Variants in PDE3A observed in about 807,000 individuals in gnomAD.
PDE3A encodes phosphodiesterase 3A.
A neutral mutation model predicts 98.3 loss-of-function variants in PDE3A; 43 were observed. The ratio of observed to expected loss-of-function variants is 0.44; its 90% CI spans 0.34 to 0.56. The LOEUF is 0.56. PDE3A is among the 20% of genes least tolerant of loss of function. The probability of loss-of-function intolerance (pLI) is 0.01; values close to 1 mark genes in which losing one functional copy is unlikely to be tolerated. For missense variants in PDE3A, 1,427 were observed against 1,440.7 expected (o/e 0.99, Z 0.15); for synonymous variants, 663 against 567.9 (o/e 1.17, Z -2.38).
intron 6 of PDE3A, among the ~76,000 whole-genome samples, chr12:20,631,465 G>T (rs1219014167): frequency 6.6e-6 from 1 of 152,100 alleles, no homozygotes; most frequent in African/African-American, 2.4e-5. Flanking sequence ...CCCAAGAATT[G>T]CCCATGGATC....
intron 1 of PDE3A, among the ~76,000 whole-genome samples, chr12:20,386,070 A>AAATATATATAAATATATAAATATATAT (rs1565532446): frequency 5.4e-5 from 2 of 37,146 alleles, no homozygotes; most frequent in African/African-American, 2.1e-4. Context: ...AAATATATAT[A>AAATATATATAAATATATAAATATATAT]AAATATATAT....
intron 1 of PDE3A, among the ~76,000 whole-genome samples, chr12:20,397,128 A>G (rs368115209): frequency 5.3e-5 from 8 of 152,144 alleles, no homozygotes; most frequent in East Asian, 3.9e-4. Context: ...AAGCCAAGCT[A>G]AATTCTAAAA....
chr12:20,619,988 T>C (rs1249023060), intron 4 of PDE3A, among the ~76,000 whole-genome samples: 2 of 152,090 alleles, frequency 1.3e-5, no homozygotes, highest in Non-Finnish European at 2.9e-5. Flanking sequence ...TGCTTAGCAT[T>C]CTTTCCTTTG....
At chr12:20,570,500 A>G (rs1333857081) in intron 2 of PDE3A, among the ~76,000 whole-genome samples, 2 of 150,696 alleles carry the variant, frequency 1.3e-5, no homozygotes, top group African/African-American at 4.9e-5. Context: ...GGACAAGTGA[A>G]TAGAACACAG....
chr12:20,512,589 G>C (rs970162993), intron 1 of PDE3A, among the ~76,000 whole-genome samples: 4 of 152,034 alleles, frequency 2.6e-5, no homozygotes, highest in Non-Finnish European at 5.9e-5. Flanking sequence ...CTCCCAGAAA[G>C]GTTCTATGTG....
At chr12:20,542,794 A>G (rs1188657800) in intron 1 of PDE3A, among the ~76,000 whole-genome samples, 1 of 151,966 alleles carries the variant, frequency 6.6e-6, no homozygotes, top group African/African-American at 2.4e-5. Flanking sequence ...AGTCTCCTGA[A>G]GTTGTGCCAG....
intron 2 of PDE3A, among the ~76,000 whole-genome samples, chr12:20,576,356 T>C (rs1026304124): frequency 1.3e-5 from 2 of 152,246 alleles, no homozygotes; most frequent in East Asian, 1.9e-4. Context: ...CAAGTATTAA[T>C]TGAAGTATGA....
At chr12:20,449,044 T>C (rs540465032) in intron 1 of PDE3A, among the ~76,000 whole-genome samples, 25 of 152,346 alleles carry the variant, frequency 1.6e-4, no homozygotes, top group African/African-American at 5.8e-4. Context: ...TTGCTAAGTA[T>C]GTAAAAGCTA....
intron 2 of PDE3A, among the ~76,000 whole-genome samples, chr12:20,560,356 C>A (rs900643199): frequency 2.0e-5 from 3 of 151,988 alleles, no homozygotes; most frequent in Non-Finnish European, 4.4e-5. Flanking sequence ...TTACTAGAGA[C>A]CAGGTGGAGG....
intron 1 of PDE3A, among the ~76,000 whole-genome samples, chr12:20,547,440 T>C (rs984036155): frequency 8.5e-5 from 13 of 152,208 alleles, no homozygotes; most frequent in Non-Finnish European, 1.6e-4. Context: ...AATACATATT[T>C]ACTTAATGAG....
intron 15 of PDE3A, among the ~76,000 whole-genome samples, chr12:20,666,697 G>C (rs991087643): frequency 1.3e-5 from 2 of 152,162 alleles, no homozygotes; most frequent in African/African-American, 4.8e-5. Flanking sequence ...CACTTAGGTT[G>C]ATTCCATATC....
chr12:20,539,119 G>A (rs1668917430), intron 1 of PDE3A, among the ~76,000 whole-genome samples: 1 of 152,102 alleles, frequency 6.6e-6, no homozygotes, highest in African/African-American at 2.4e-5. Flanking sequence ...AGTACCGGTT[G>A]AGAATCCCTT....
chr12:20,514,135 G>A (rs1436979686), intron 1 of PDE3A, among the ~76,000 whole-genome samples: 2 of 152,196 alleles, frequency 1.3e-5, no homozygotes, highest in Middle Eastern at 3.4e-3. Flanking sequence ...TGAGACACAG[G>A]CATTTTATTT....
At chr12:20,562,110 G>A (rs1346634620) in intron 2 of PDE3A, among the ~76,000 whole-genome samples, 1 of 152,060 alleles carries the variant, frequency 6.6e-6, no homozygotes, top group East Asian at 1.9e-4. Context: ...GAAGTCAGGG[G>A]ATGAAATTCT....
At chr12:20,571,893 A>G in intron 2 of PDE3A, 1 of 1,046,352 alleles carries the variant, frequency 9.6e-7, no homozygotes, top group Non-Finnish European at 1.2e-6. Context: ...ATTGCCACCC[A>G]TAAGTTGTTC....
At chr12:20,678,468 C>G (rs1945693229) in intron 15 of PDE3A, among the ~76,000 whole-genome samples, 3 of 152,122 alleles carry the variant, frequency 2.0e-5, no homozygotes, top group African/African-American at 7.2e-5. Flanking sequence ...AGGAGGTATG[C>G]TAAGGTAGAA....
intron 1 of PDE3A, among the ~76,000 whole-genome samples, chr12:20,502,786 A>G (rs1303806400): frequency 6.6e-6 from 1 of 152,190 alleles, no homozygotes; most frequent in Non-Finnish European, 1.5e-5. Context: ...AATAAATACC[A>G]GAATCACAGT....
intron 1 of PDE3A, among the ~76,000 whole-genome samples, chr12:20,442,445 A>T (rs1044911421): frequency 1.3e-5 from 2 of 152,170 alleles, no homozygotes; most frequent in African/African-American, 2.4e-5. Flanking sequence ...TAGGAGAGGG[A>T]GAGCACATGG....
At chr12:20,530,584 C>A (rs1020793266) in intron 1 of PDE3A, among the ~76,000 whole-genome samples, 1 of 151,684 alleles carries the variant, frequency 6.6e-6, no homozygotes, top group Non-Finnish European at 1.5e-5. Context: ...CTTAGCTCAG[C>A]CACACTCTGC....
Sources: allele counts gnomAD v4.1 joint callset (sites outside exome capture counted in the v4.1 genomes callset), GRCh38; gene constraint gnomAD v4.1.1; transcripts MANE v1.5; gene names NCBI Gene and HGNC (gene_info 2026-07-23, HGNC 2026-07-21).